The following MCM9 variants were observed in gnomAD, a reference collection of about 807,000 sequenced individuals.
MCM9 encodes the protein DNA helicase MCM9.
A neutral mutation model predicts 72.8 loss-of-function variants in MCM9; 55 were observed. That is an observed-to-expected ratio of 0.76 (90% confidence interval 0.61 to 0.95). MCM9 has a LOEUF of 0.95. Among genes scored for constraint, MCM9 ranks in the 40% least tolerant of loss-of-function variants. MCM9 has a pLI of 0.00. For missense variants in MCM9, 1,279 were observed against 1,377.0 expected (o/e 0.93, Z 1.13); for synonymous variants, 480 against 503.4 (o/e 0.95, Z 0.62).
chr6:118,886,964 C>A (rs913905705), intron 8 of MCM9, among the ~76,000 whole-genome samples: 1 of 151,690 alleles, frequency 6.6e-6, no homozygotes, highest in Middle Eastern at 3.2e-3. Flanking sequence ...GATCCTATCT[C>A]AAAAAAAGAA....
At chr6:118,858,082 C>T (rs1415948083) in intron 8 of MCM9, among the ~76,000 whole-genome samples, 2 of 152,086 alleles carry the variant, frequency 1.3e-5, no homozygotes, top group Non-Finnish European at 2.9e-5. Flanking sequence ...AACCTATAGA[C>T]TAGTACCTCT....
intron 13 of MCM9, among the ~76,000 whole-genome samples, chr6:118,821,009 A>G (rs1006874039): frequency 6.6e-6 from 1 of 151,868 alleles, no homozygotes; most frequent in Non-Finnish European, 1.5e-5. Flanking sequence ...TTTTGAGCCT[A>G]TGTGTGTATT....
intron 8 of MCM9, among the ~76,000 whole-genome samples, chr6:118,868,176 A>G (rs918896212): frequency 6.6e-6 from 1 of 152,128 alleles, no homozygotes; most frequent in African/African-American, 2.4e-5. Flanking sequence ...CACTCAGCCA[A>G]TTAATTATAT....
intron 8 of MCM9, chr6:118,894,011 C>G: frequency 4.1e-5 from 40 of 987,278 alleles, no homozygotes; most frequent in Non-Finnish European, 4.7e-5. Context: ...GGCCTCCCAG[C>G]CCTTATTCCA....
chr6:118,851,277 T>G (rs1776210158), intron 9 of MCM9, among the ~76,000 whole-genome samples: 2 of 151,810 alleles, frequency 1.3e-5, no homozygotes, highest in African/African-American at 4.9e-5. Context: ...ACAAATGAAC[T>G]GTTCAGTAAG....
chr6:118,931,718 A>G lies in MCM9; in HGVS notation c.6T>C (p.Asn2=), dbSNP rs115231232. 12 of 1,605,220 alleles carry G rather than the reference A, an allele frequency of 7.5e-6. No individual in the cohort carries two copies. The highest frequency in any genetic ancestry group is 1.7e-6 in the Non-Finnish European group (2 of 1,174,394). Reference sequence around the variant, plus strand: ...GACCAACCAGTGTAACTTGATCGCTATTCATCTTGAATCTAGGTAACTAAA... The same window carrying G: ...GACCAACCAGTGTAACTTGATCGCTGTTCATCTTGAATCTAGGTAACTAAA... M[N]SDQVTLVGQV... is the part of the protein sequence containing the mutation. Residue 2 remains asparagine, a synonymous_variant, in exon 3 of 14, where the codon AAT becomes AAC. Transcript: ENST00000619706.
At chr6:118,898,862 C>A (rs149845780) in intron 8 of MCM9, among the ~76,000 whole-genome samples, 1 of 152,312 alleles carries the variant, frequency 6.6e-6, no homozygotes, top group Non-Finnish European at 1.5e-5. Context: ...GTCCTCTTAT[C>A]TTTGGAGGGC....
At chr6:118,914,644 G>C (rs1237719705) in intron 6 of MCM9, among the ~76,000 whole-genome samples, 1 of 152,168 alleles carries the variant, frequency 6.6e-6, no homozygotes, top group Admixed American at 6.5e-5. Context: ...AGACTTGACA[G>C]CAGGTAGGTA....
intron 8 of MCM9, chr6:118,908,128 G>C (rs1393415393): frequency 6.5e-6 from 1 of 152,692 alleles, no homozygotes; most frequent in Admixed American, 6.5e-5. Context: ...AAGAACTTTA[G>C]GATCCAATTT....
At chr6:118,816,876 T>C (rs930213198) in intron 13 of MCM9, among the ~76,000 whole-genome samples, 1 of 152,194 alleles carries the variant, frequency 6.6e-6, no homozygotes, top group African/African-American at 2.4e-5. Context: ...GTGCTCACAC[T>C]GCCGCCTCCT....
rs1236289420 is a variant in MCM9, at chr6:118,816,279, ACT to A, written c.1975_1976del (p.Ser659CysfsTer39). On this transcript the variant is annotated frameshift_variant, in exon 14 of 14. Coordinates refer to ENST00000619706, the MANE Select transcript of MCM9 (RefSeq NM_017696.3). LOFTEE classifies it low-confidence loss of function (END_TRUNC). The part of the protein sequence containing the change: ...LRRLERLQNQ[S>X]VHQSQPRVLE... ...ATACCCGTGGTTGGGATTGGTGCACACTCTGATTCTGTAACCTGTAGCAAAGA... is the reference window on the plus strand; with the variant it reads ...ATACCCGTGGTTGGGATTGGTGCACACTGATTCTGTAACCTGTAGCAAAGA... 3.3e-6 allele frequency: 5 copies of A among 1,535,534 alleles called. No individual in the cohort carries two copies. In the South Asian group the frequency reaches 6.1e-5, roughly 19 times the overall value.
chr6:118,930,602 C>T (rs1782339829), intron 3 of MCM9, among the ~76,000 whole-genome samples: 1 of 152,090 alleles, frequency 6.6e-6, no homozygotes, highest in East Asian at 1.9e-4. Context: ...AGGGGGTTGA[C>T]AGGGACTCTA....
intron 9 of MCM9, among the ~76,000 whole-genome samples, chr6:118,837,116 T>C (rs985705260): frequency 3.9e-5 from 6 of 152,226 alleles, no homozygotes; most frequent in African/African-American, 1.4e-4. Flanking sequence ...ATTTCTGCCT[T>C]AATTTCGTTA....
At chr6:118,886,934 C>T (rs1388033001) in intron 8 of MCM9, among the ~76,000 whole-genome samples, 1 of 152,086 alleles carries the variant, frequency 6.6e-6, no homozygotes, top group Non-Finnish European at 1.5e-5. Flanking sequence ...CACTGTGCTC[C>T]AGCCTAAAAA....
chr6:118,904,399 C>T (rs1458354249), intron 8 of MCM9, among the ~76,000 whole-genome samples: 1 of 152,204 alleles, frequency 6.6e-6, no homozygotes, highest in East Asian at 1.9e-4. Context: ...AAGTGCTCAT[C>T]TAGGCCCAGG....
intron 9 of MCM9, among the ~76,000 whole-genome samples, chr6:118,831,571 G>A (rs1304871509): frequency 6.6e-6 from 1 of 151,932 alleles, no homozygotes; most frequent in Non-Finnish European, 1.5e-5. Flanking sequence ...TTTGAAAGTG[G>A]GGAAGACCAT....
chr6:118,917,558 A>G lies in MCM9; in HGVS notation c.904+3T>C. ...TAATCAGTTTTAGCCCTTAAACACA[A>G]ACCTGCAAAGGGATCGCTCTTATAG... is the stretch of plus-strand genomic sequence containing the variant. On this transcript the variant is annotated splice_donor_region_variant and intron_variant, in intron 6 of 13. Coordinates refer to ENST00000619706, the MANE Select transcript of MCM9 (RefSeq NM_017696.3). 1 of 1,614,026 alleles carries G rather than the reference A, an allele frequency of 6.2e-7. No homozygotes were observed. The highest frequency in any genetic ancestry group is 8.5e-7 in the Non-Finnish European group (1 of 1,179,906).
intron 8 of MCM9, among the ~76,000 whole-genome samples, chr6:118,869,262 G>A (rs1777424847): frequency 6.6e-6 from 1 of 152,096 alleles, no homozygotes; most frequent in African/African-American, 2.4e-5. Context: ...GCCTATCTGG[G>A]GGTGGGGAAC....
Position 118,856,370 on chromosome 6 carries a change from C to CAACACTTATGGTTTGTTGTAACAA in MCM9, c.1325_1325+1insTTGTTACAACAAACCATAAGTGTT (p.Gly442_Leu443insCysTyrAsnLysProTer). 1 of 1,529,914 alleles carries CAACACTTATGGTTTGTTGTAACAA rather than the reference C, an allele frequency of 6.5e-7. No homozygotes were observed. Among genetic ancestry groups the CAACACTTATGGTTTGTTGTAACAA allele is most frequent in the Non-Finnish European group, 8.7e-7 (1 of 1,145,214 alleles). 94.8% of individuals were successfully genotyped at this position (1,529,914 alleles called of 1,614,324 possible). A position where few individuals can be genotyped will look rare whatever the true frequency, so the allele number is the denominator to read the frequency against. Reference sequence around the variant, plus strand: ...CCCATAGATTTTAAAGAAACTCTTACCCAGCCTTAGCAACACTTATGGTTT... The same window carrying CAACACTTATGGTTTGTTGTAACAA: ...CCCATAGATTTTAAAGAAACTCTTACAACACTTATGGTTTGTTGTAACAACCAGCCTTAGCAACACTTATGGTTT... On this transcript the variant is annotated stop_gained and inframe_insertion and splice_region_variant. Transcript: ENST00000619706. LOFTEE classifies it high-confidence loss of function.
Sources: allele counts gnomAD v4.1 joint callset (sites outside exome capture counted in the v4.1 genomes callset), GRCh38; gene constraint gnomAD v4.1.1; transcripts MANE v1.5; gene names NCBI Gene and HGNC (gene_info 2026-07-23, HGNC 2026-07-21).